SEPTIN9: variants seen among roughly 807,000 people sequenced by gnomAD.
SEPTIN9 encodes septin 9, also known as septin-9.
In SEPTIN9, 13 loss-of-function variants were observed where a neutral mutation model predicts 56.6. The ratio of observed to expected loss-of-function variants is 0.23; its 90% CI spans 0.15 to 0.37. The LOEUF (loss-of-function observed/expected upper bound fraction) is 0.37. Ranked by LOEUF, SEPTIN9 falls within the 10% of genes least tolerant of loss-of-function variation. The probability of loss-of-function intolerance (pLI) is 1.00; values close to 1 mark genes in which losing one functional copy is unlikely to be tolerated. For missense variants in SEPTIN9, 650 were observed against 823.1 expected, an observed-to-expected ratio of 0.79 and a Z score of 2.57; for synonymous variants, 332 against 334.1, an observed-to-expected ratio of 0.99 and a Z score of 0.07.
At chr17:77,373,476 G>A in intron 2 of SEPTIN9, 1 of 1,523,284 alleles carries the variant, frequency 6.6e-7, no homozygotes, top group Non-Finnish European at 8.8e-7. Flanking sequence ...CCCTCCGCGC[G>A]ACCCGCTGCC....
rs1467878171 is a variant in SEPTIN9, at chr17:77,310,787, G to A, written c.76+3590G>A. ...GTGCACGGAGCATTTCATCTCAGTG[G>A]TGCCTGAGCTTCCCTCCCTCTGGCC... is the stretch of plus-strand genomic sequence containing the variant. On this transcript the variant is annotated intron_variant, in intron 2 of 11. Transcript: ENST00000427177. This position sits in a 1 kb window ranked among gnomAD's most constrained non-coding sequence, Gnocchi z 4.7. Among the ~76,000 whole-genome samples the A allele has an allele frequency of 6.6e-6, 1 of 152,112 alleles. No homozygotes were observed. Among genetic ancestry groups the A allele is most frequent in the Admixed American group, 6.6e-5 (1 of 15,266 alleles).
chr17:77,326,118 C>T lies in SEPTIN9; in HGVS notation c.76+18921C>T, dbSNP rs981175345. Among the ~76,000 whole-genome samples, 4 of 152,082 alleles carry T rather than the reference C, an allele frequency of 2.6e-5. No individual in the cohort carries two copies. The highest frequency in any genetic ancestry group is 5.9e-5 in the Non-Finnish European group (4 of 68,018). On this transcript the variant is annotated intron_variant, in intron 2 of 11. Coordinates refer to ENST00000427177, the MANE Select transcript of SEPTIN9 (RefSeq NM_001113491.2). This position sits in a 1 kb window ranked among gnomAD's most constrained non-coding sequence, Gnocchi z 5.1. ...CCTCCTACCCCTTCTTCCAAGGGGT[C>T]ATCTCTGCTTCCCTCCCCACCCAAC...
chr17:77,405,049 T>C lies in SEPTIN9; in HGVS notation c.721+2346T>C. 1 of 1,532,416 alleles carries C rather than the reference T, an allele frequency of 6.5e-7. No individual in the cohort carries two copies. Among genetic ancestry groups the C allele is most frequent in the Non-Finnish European group, 8.7e-7 (1 of 1,144,958 alleles). 94.9% of individuals were successfully genotyped at this position (1,532,416 alleles called of 1,614,324 possible). On this transcript the variant is annotated intron_variant, in intron 3 of 11. Transcript: ENST00000427177. This position sits in a 1 kb window ranked among gnomAD's most constrained non-coding sequence, Gnocchi z 5.8. ...ACACTCAGCTGAGTCAAACAGGATG[T>C]GGCTGGGGAGGCGGTTGTCACCGAG...
intron 3 of SEPTIN9, among the ~76,000 whole-genome samples, chr17:77,420,200 C>T (rs2036649878): frequency 6.6e-6 from 1 of 152,326 alleles, no homozygotes; most frequent in South Asian, 2.1e-4. Context: ...CCCTGCTTGG[C>T]CATGCTGTTG....
chr17:77,400,193 C>A lies in SEPTIN9; in HGVS notation c.77-1866C>A, dbSNP rs2035855012. Among the ~76,000 whole-genome samples the A allele has an allele frequency of 6.6e-6, 1 of 152,076 alleles. No individual in the cohort carries two copies. The highest frequency in any genetic ancestry group is 1.5e-5 in the Non-Finnish European group (1 of 68,026). ...GTTTCACCACATCAGCCAGGCTGCT[C>A]AGTGTTTTAAAAAGGGCTTGTTTTG... On this transcript the variant is annotated intron_variant, in intron 2 of 11. Coordinates refer to ENST00000427177, the MANE Select transcript of SEPTIN9 (RefSeq NM_001113491.2). This position sits in a 1 kb window ranked among gnomAD's most constrained non-coding sequence, Gnocchi z 4.1.
chr17:77,329,466 G>T lies in SEPTIN9; in HGVS notation c.76+22269G>T, dbSNP rs1473690506. Among the ~76,000 whole-genome samples, 1 of 152,190 alleles carries T rather than the reference G, an allele frequency of 6.6e-6. No individual in the cohort carries two copies. The highest frequency in any genetic ancestry group is 2.4e-5 in the African/African-American group (1 of 41,454). ...TTGGTGTCTGAGCCCAGTGGTCCTG[G>T]CTGTGGTTTGGTACACTTGGCCGTG... On this transcript the variant is annotated intron_variant, in intron 2 of 11. Transcript: ENST00000427177. The surrounding 1 kb of genome is among the most constrained non-coding windows in gnomAD (Gnocchi z 4.3).
chr17:77,376,831 T>G (rs2034939996), intron 2 of SEPTIN9: 1 of 152,360 alleles, frequency 6.6e-6, no homozygotes, highest in Non-Finnish European at 1.5e-5. Context: ...CCTGGGCACA[T>G]CTACCCCCTC....
chr17:77,312,429 GC>G (rs1183195438), intron 2 of SEPTIN9, among the ~76,000 whole-genome samples: 3 of 152,074 alleles, frequency 2.0e-5, no homozygotes, highest in Admixed American at 6.6e-5. Context: ...GAGTGCTCGG[GC>G]CCCCCCTGGA....
At chr17:77,362,480 G>A (rs1213560087) in intron 2 of SEPTIN9, among the ~76,000 whole-genome samples, 3 of 152,218 alleles carry the variant, frequency 2.0e-5, no homozygotes, top group Non-Finnish European at 4.4e-5. Context: ...CTGACTGGGT[G>A]CTCCTTGTCT....
At position 77,487,532 on chromosome 17, in the gene SEPTIN9, A is replaced by G; in HGVS notation, c.1022A>G (p.Glu341Gly). The G allele has an allele frequency of 5.0e-6, 8 of 1,613,492 alleles. No homozygotes were observed. Among genetic ancestry groups the G allele is most frequent in the Non-Finnish European group, 6.8e-6 (8 of 1,179,834 alleles). The change falls in exon 5 of 12, where the codon GAG becomes GGG. Residue 341 changes from glutamate to glycine, a missense_variant. By Grantham distance (98) the Glu-to-Gly change is moderately conservative. Coordinates refer to ENST00000427177, the MANE Select transcript of SEPTIN9 (RefSeq NM_001113491.2). The surrounding 1 kb of genome is among the most constrained non-coding windows in gnomAD (Gnocchi z 4.3). ...GAGGAGCGCATCCCCAAGACCATCG[A>G]GATCAAGTCCATCACGCACGGTCAG... is the stretch of plus-strand genomic sequence containing the variant. The part of the protein sequence containing the change: ...TSEERIPKTI[E>G]IKSITHDIEE...
At chr17:77,373,083 GAGGCCGCGTCTCTCGCCGTCCCCTGGGC>G in intron 2 of SEPTIN9, 1 of 610,846 alleles carries the variant, frequency 1.6e-6, no homozygotes, top group Non-Finnish European at 2.1e-6. Flanking sequence ...GGGAGGGGCT[GAGGCCGCGTCTCTCGCCGTCCCCTGGGC>G]GCGGGCCAGG....
intron 2 of SEPTIN9, among the ~76,000 whole-genome samples, chr17:77,345,958 T>C (rs1041488542): frequency 7.3e-5 from 11 of 151,604 alleles, no homozygotes; most frequent in Non-Finnish European, 1.5e-4. Flanking sequence ...TGTTTTGTTT[T>C]GTTTTGTTTT....
intron 3 of SEPTIN9, among the ~76,000 whole-genome samples, chr17:77,447,332 A>G (rs1568075847): frequency 6.6e-6 from 1 of 152,146 alleles, no homozygotes; most frequent in Non-Finnish European, 1.5e-5. Context: ...AATGGCCCCA[A>G]ATAATGTCTC....
chr17:77,316,076 C>T lies in SEPTIN9; in HGVS notation c.76+8879C>T, dbSNP rs995185376. ...GCCCGGCTCCCTCACTGTAGGATTA[C>T]TCAGTGCGTTTAGTATGCAAATGTG... On this transcript the variant is annotated intron_variant, in intron 2 of 11. Transcript: ENST00000427177. Among the ~76,000 whole-genome samples the T allele has an allele frequency of 3.3e-5, 5 of 152,330 alleles. No individual in the cohort carries two copies. The South Asian group carries it at 1.0e-3, about 32-fold the overall frequency.
chr17:77,450,734 G>A lies in SEPTIN9; in HGVS notation c.722-31410G>A. 3 of 986,314 alleles carry A rather than the reference G, an allele frequency of 3.0e-6. No homozygotes were observed. The highest frequency in any genetic ancestry group is 3.6e-6 in the Non-Finnish European group (3 of 830,704). 61.1% of individuals were successfully genotyped at this position (986,314 alleles called of 1,614,324 possible). On this transcript the variant is annotated intron_variant, in intron 3 of 11. Coordinates refer to ENST00000427177, the MANE Select transcript of SEPTIN9 (RefSeq NM_001113491.2). This position sits in a 1 kb window ranked among gnomAD's most constrained non-coding sequence, Gnocchi z 6.0. ...CCCCAGGGGCTGGAGAGGCTGGAGA[G>A]GCAGGAGCTGGATCAGATCTGAATC...
chr17:77,307,875 T>C (rs778372291), intron 2 of SEPTIN9, among the ~76,000 whole-genome samples: 5 of 152,166 alleles, frequency 3.3e-5, no homozygotes, highest in Non-Finnish European at 7.4e-5. Flanking sequence ...AGGTCAGGGC[T>C]CTGCCTCCAG....
At chr17:77,426,508 A>G (rs1313229494) in intron 3 of SEPTIN9, among the ~76,000 whole-genome samples, 6 of 151,920 alleles carry the variant, frequency 3.9e-5, no homozygotes, top group African/African-American at 1.5e-4. Flanking sequence ...ACCCTACGTC[A>G]CCTGGCCACT....
At chr17:77,360,326 A>G (rs2034373632) in intron 2 of SEPTIN9, among the ~76,000 whole-genome samples, 1 of 152,130 alleles carries the variant, frequency 6.6e-6, no homozygotes, top group South Asian at 2.1e-4. Flanking sequence ...TCTCCATAGT[A>G]AGGGGCATTC....
chr17:77,492,945 A>G lies in SEPTIN9; in HGVS notation c.1477-35A>G. ...CCAGGGGAGGGAATTGCCTTCCCGC[A>G]CATGTGTAACCAATACCGTCTGCCC... is the stretch of plus-strand genomic sequence containing the variant. On this transcript the variant is annotated intron_variant, in intron 9 of 11. Transcript: ENST00000427177. This position sits in a 1 kb window ranked among gnomAD's most constrained non-coding sequence, Gnocchi z 5.4. 1.9e-6 allele frequency: 3 copies of G among 1,541,364 alleles called. No individual in the cohort carries two copies. The South Asian group carries it at 3.5e-5, about 18-fold the overall frequency.
Sources: allele counts gnomAD v4.1 joint callset (sites outside exome capture counted in the v4.1 genomes callset), GRCh38; gene constraint gnomAD v4.1.1; non-coding constraint Gnocchi (gnomAD v3.1); transcripts MANE v1.5; gene names NCBI Gene and HGNC (gene_info 2026-07-23, HGNC 2026-07-21).